PDE1A: variants seen among roughly 807,000 people sequenced by gnomAD.
PDE1A encodes the protein dual specificity calcium/calmodulin-dependent 3',5'-cyclic nucleotide phosphodiesterase 1A.
A neutral mutation model predicts 61.7 loss-of-function variants in PDE1A; 35 were observed. The ratio of observed to expected loss-of-function variants is 0.57; its 90% confidence interval spans 0.43 to 0.75. The LOEUF is 0.75. Ranked by LOEUF, PDE1A falls within the 30% of genes least tolerant of loss-of-function variation. The pLI, the probability that PDE1A is intolerant of heterozygous loss-of-function variation, is 0.00. For missense variants in PDE1A, 597 were observed against 630.6 expected, an observed-to-expected ratio of 0.95 and a Z score of 0.57; for synonymous variants, 232 against 213.2, an observed-to-expected ratio of 1.09 and a Z score of -0.77.
chr2:182,398,715 G>A (rs1701839827), intron 1 of PDE1A, among the ~76,000 whole-genome samples: 1 of 151,998 alleles, frequency 6.6e-6, no homozygotes, highest in African/African-American at 2.4e-5. Context: ...TAAAGTGTAG[G>A]AGCATACCGC....
At chr2:182,423,947 C>CTTTTT (rs562590310) in intron 1 of PDE1A, among the ~76,000 whole-genome samples, 1 of 134,300 alleles carries the variant, frequency 7.4e-6, no homozygotes, top group Admixed American at 7.6e-5. Context: ...CTGGATTAAC[C>CTTTTT]TTTTTTTTTT....
intron 1 of PDE1A, among the ~76,000 whole-genome samples, chr2:182,383,190 C>G (rs1051323111): frequency 6.6e-6 from 1 of 152,186 alleles, no homozygotes; most frequent in Admixed American, 6.5e-5. Flanking sequence ...TCTTCTCTTT[C>G]TATCCAATTT....
intron 13 of PDE1A, among the ~76,000 whole-genome samples, chr2:182,151,417 A>G (rs1177271533): frequency 6.6e-6 from 1 of 152,044 alleles, no homozygotes; most frequent in Admixed American, 6.6e-5. Flanking sequence ...CCTCACAGCA[A>G]TCTTATAAAG....
the PDE1A span, among the ~76,000 whole-genome samples, chr2:182,699,123 C>T: frequency 1.3e-5 from 2 of 152,266 alleles, no homozygotes; most frequent in East Asian, 3.9e-4. Flanking sequence ...CTCTTTTTAT[C>T]ATAACCCAAG....
intron 4 of PDE1A, among the ~76,000 whole-genome samples, chr2:182,233,805 AC>A (rs1689777614): frequency 1.3e-5 from 2 of 151,448 alleles, no homozygotes; most frequent in African/African-American, 2.4e-5. Flanking sequence ...ACACACACAC[AC>A]ACACACACAA....
intron 1 of PDE1A, among the ~76,000 whole-genome samples, chr2:182,305,854 C>T (rs1042378421): frequency 2.0e-5 from 3 of 151,994 alleles, no homozygotes; most frequent in Non-Finnish European, 4.4e-5. Flanking sequence ...ATTAACATAT[C>T]CATCACCTCA....
At chr2:182,554,738 C>A in the PDE1A span, among the ~76,000 whole-genome samples, 1 of 152,194 alleles carries the variant, frequency 6.6e-6, no homozygotes, top group Non-Finnish European at 1.5e-5. Flanking sequence ...TTAGTCATGT[C>A]ATTATTATTA....
intron 13 of PDE1A, among the ~76,000 whole-genome samples, chr2:182,160,782 T>A (rs145215306): frequency 1.5e-4 from 23 of 152,264 alleles, no homozygotes; most frequent in African/African-American, 5.1e-4. Context: ...TAAATTCCCT[T>A]TCATGTATAT....
chr2:182,659,916 T>C, the PDE1A span, among the ~76,000 whole-genome samples: 2 of 152,244 alleles, frequency 1.3e-5, no homozygotes. Context: ...GTCATAATTT[T>C]GTAAACACTC....
intron 2 of PDE1A, among the ~76,000 whole-genome samples, chr2:182,495,047 G>A (rs372195498): frequency 1.3e-5 from 2 of 152,072 alleles, no homozygotes; most frequent in Admixed American, 1.3e-4. Context: ...GGGGTGCTCG[G>A]CACTTCCAGG....
At chr2:182,374,558 A>G (rs1433463121) in intron 1 of PDE1A, among the ~76,000 whole-genome samples, 4 of 152,320 alleles carry the variant, frequency 2.6e-5, no homozygotes, top group South Asian at 2.1e-4. Flanking sequence ...TAAGAATTAG[A>G]AGAAAAAATT....
chr2:182,605,793 A>C, the PDE1A span, among the ~76,000 whole-genome samples: 1 of 152,230 alleles, frequency 6.6e-6, no homozygotes, highest in Non-Finnish European at 1.5e-5. Flanking sequence ...CCAAGGGTGA[A>C]GTAAAAAGAG....
the PDE1A span, among the ~76,000 whole-genome samples, chr2:182,682,906 G>T: frequency 6.6e-6 from 1 of 152,106 alleles, no homozygotes; most frequent in Non-Finnish European, 1.5e-5. Context: ...CTGTGTGTGT[G>T]TAGGGGTGTG....
the PDE1A span, among the ~76,000 whole-genome samples, chr2:182,619,565 T>C: frequency 2.0e-5 from 3 of 152,128 alleles, no homozygotes; most frequent in Non-Finnish European, 2.9e-5. Flanking sequence ...GTTTTTGACA[T>C]GGGGAAATAC....
At chr2:182,316,015 A>T (rs564408913) in intron 1 of PDE1A, among the ~76,000 whole-genome samples, 5 of 152,340 alleles carry the variant, frequency 3.3e-5, no homozygotes, top group African/African-American at 1.2e-4. Flanking sequence ...AACCAGAAGA[A>T]TCTGGAAGTT....
At chr2:182,383,227 A>G (rs151050746) in intron 1 of PDE1A, among the ~76,000 whole-genome samples, 1,904 of 152,278 alleles carry the variant, frequency 0.013, 24 homozygotes, top group South Asian at 0.048. Flanking sequence ...ACATATTTAA[A>G]GTCCTTCCTG....
At chr2:182,700,750 A>AAAAAAAAAAAAAAC in the PDE1A span, among the ~76,000 whole-genome samples, 3 of 144,680 alleles carry the variant, frequency 2.1e-5, no homozygotes, top group African/African-American at 5.1e-5. Flanking sequence ...ACAGAAAGAA[A>AAAAAAAAAAAAAAC]AGAAAAAGAA....
chr2:182,263,575 T>G (rs1344722054), intron 2 of PDE1A, among the ~76,000 whole-genome samples: 1 of 152,164 alleles, frequency 6.6e-6, no homozygotes, highest in Non-Finnish European at 1.5e-5. Context: ...AGGTTCCCTC[T>G]TAGCTCTGAA....
At chr2:182,627,130 A>ATT in the PDE1A span, among the ~76,000 whole-genome samples, 1 of 44,962 alleles carries the variant, frequency 2.2e-5, no homozygotes, top group African/African-American at 7.1e-5. Flanking sequence ...TATTATGTAT[A>ATT]TATAAAATAT....
Sources: allele counts gnomAD v4.1 joint callset (sites outside exome capture counted in the v4.1 genomes callset), GRCh38; gene constraint gnomAD v4.1.1; transcripts MANE v1.5; gene names NCBI Gene and HGNC (gene_info 2026-07-23, HGNC 2026-07-21).